Variants in DMD observed in about 807,000 individuals in gnomAD.
DMD encodes mutant dystrophin.
In DMD, 63 loss-of-function variants were observed where a neutral mutation model predicts 330.1. The observed-to-expected ratio is 0.19, with a 90% CI of 0.16 to 0.24. The LOEUF (loss-of-function observed/expected upper bound fraction) is 0.24. Among genes scored for constraint, DMD ranks in the 10% least tolerant of loss-of-function variants. The probability of loss-of-function intolerance (pLI) is 1.00; values close to 1 mark genes in which losing one functional copy is unlikely to be tolerated. For missense variants in DMD, 3,344 were observed against 2,684.1 expected (o/e 1.25, Z -5.43); for synonymous variants, 1,223 against 959.8 (o/e 1.27, Z -5.07).
intron 51 of DMD, among the ~76,000 whole-genome samples, chrX:31,757,661 C>T (rs145211598): frequency 2.7e-3 from 300 of 110,588 alleles, no homozygotes; most frequent in Non-Finnish European, 4.9e-3. Flanking sequence ...TATAAGGGCA[C>T]TGATCCTGTT....
At chrX:31,155,247 A>C (rs942340885) in intron 74 of DMD, among the ~76,000 whole-genome samples, 53 of 112,735 alleles carry the variant, frequency 4.7e-4, no homozygotes, top group African/African-American at 1.7e-3. Context: ...CTAATTTACA[A>C]AGGTCAAATG....
At chrX:31,393,697 C>T (rs181052630) in intron 60 of DMD, among the ~76,000 whole-genome samples, 38 of 110,839 alleles carry the variant, frequency 3.4e-4, no homozygotes, top group South Asian at 7.7e-4. Context: ...ACTCTTTGAG[C>T]GAGTGCTATT....
intron 56 of DMD, among the ~76,000 whole-genome samples, chrX:31,505,459 C>G (rs1198437831): frequency 2.7e-5 from 3 of 111,630 alleles, no homozygotes; most frequent in East Asian, 5.6e-4. Context: ...CAATCTACTT[C>G]TCATAAAAAC....
chrX:32,358,296 C>T (rs1240787989), intron 37 of DMD, among the ~76,000 whole-genome samples: 3 of 110,820 alleles, frequency 2.7e-5, no homozygotes, highest in African/African-American at 9.8e-5. Flanking sequence ...TCCCATGCCC[C>T]TTCCTATACT....
chrX:32,292,393 C>T (rs903539238), intron 42 of DMD, among the ~76,000 whole-genome samples: 4 of 99,335 alleles, frequency 4.0e-5, no homozygotes, highest in Admixed American at 2.3e-4. Context: ...CTCCGCCTCC[C>T]GGGTTTACTT....
chrX:32,863,573 C>CACACACACACACACACACAA (rs1250324246), intron 2 of DMD, among the ~76,000 whole-genome samples: 1 of 101,221 alleles, frequency 9.9e-6, no homozygotes, highest in African/African-American at 3.8e-5. Flanking sequence ...CACACACACA[C>CACACACACACACACACACAA]AAATACACAC....
intron 2 of DMD, among the ~76,000 whole-genome samples, chrX:32,919,190 G>T (rs1418403823): frequency 3.6e-5 from 4 of 112,072 alleles, no homozygotes; most frequent in Admixed American, 9.5e-5. Flanking sequence ...AAGTCTGAGA[G>T]CAGTGTGTAA....
At chrX:31,878,105 T>A (rs778692050) in intron 47 of DMD, among the ~76,000 whole-genome samples, 36 of 111,927 alleles carry the variant, frequency 3.2e-4, no homozygotes, top group Non-Finnish European at 4.3e-4. Context: ...TTCCTTGTAA[T>A]AGAGGTAAAA....
chrX:32,395,552 C>A (rs2098038076), intron 30 of DMD, among the ~76,000 whole-genome samples: 1 of 110,359 alleles, frequency 9.1e-6, no homozygotes, highest in South Asian at 3.8e-4. Context: ...GCACACGTAC[C>A]CTAGAACTTA....
chrX:31,689,146 G>A (rs1388323587), intron 52 of DMD, among the ~76,000 whole-genome samples: 1 of 111,541 alleles, frequency 9.0e-6, no homozygotes, highest in East Asian at 2.8e-4. Context: ...AAGAAATAAA[G>A]GGTATTCAAT....
intron 7 of DMD, among the ~76,000 whole-genome samples, chrX:32,735,456 A>G (rs2068327183): frequency 9.0e-6 from 1 of 111,370 alleles, no homozygotes; most frequent in Non-Finnish European, 1.9e-5. Flanking sequence ...CCGCATCACC[A>G]AGTCACTCCT....
intron 1 of DMD, among the ~76,000 whole-genome samples, chrX:33,272,367 G>A (rs962319491): frequency 3.6e-5 from 4 of 112,109 alleles, no homozygotes; most frequent in South Asian, 7.3e-4. Context: ...AGAAATCCAT[G>A]TAGAGTGAAG....
At chrX:32,622,038 C>G (rs1363281575) in intron 11 of DMD, among the ~76,000 whole-genome samples, 1 of 111,207 alleles carries the variant, frequency 9.0e-6, no homozygotes, top group Non-Finnish European at 1.9e-5. Flanking sequence ...CACAACTCAC[C>G]CAAATTCTGC....
chrX:32,551,147 TCCTGATACCAAAA>T (rs1042698166), intron 16 of DMD, among the ~76,000 whole-genome samples: 11 of 111,047 alleles, frequency 9.9e-5, no homozygotes, highest in Admixed American at 1.9e-4. Context: ...GGAAGCATTG[TCCTGATACCAAAA>T]CCTGGCAGAC....
intron 1 of DMD, among the ~76,000 whole-genome samples, chrX:33,073,402 T>G: frequency 8.9e-6 from 1 of 112,217 alleles, no homozygotes; most frequent in Non-Finnish European, 1.9e-5. Flanking sequence ...CCACTTTGTA[T>G]GTAAGGAGAA....
intron 59 of DMD, among the ~76,000 whole-genome samples, chrX:31,453,141 A>G (rs2065879847): frequency 9.0e-6 from 1 of 110,935 alleles, no homozygotes; most frequent in Non-Finnish European, 1.9e-5. Flanking sequence ...AGCAATGGGG[A>G]ATTACTGTGG....
At chrX:32,293,279 T>G (rs960373812) in intron 42 of DMD, among the ~76,000 whole-genome samples, 3 of 112,277 alleles carry the variant, frequency 2.7e-5, no homozygotes, top group Non-Finnish European at 5.6e-5. Context: ...AGACTAGGGA[T>G]GGTCAGATTG....
chrX:32,736,346 A>T (rs1218350082), intron 7 of DMD, among the ~76,000 whole-genome samples: 1 of 111,640 alleles, frequency 9.0e-6, no homozygotes, highest in Non-Finnish European at 1.9e-5. Flanking sequence ...ACCATTGTGG[A>T]AGTCAGTGTG....
At chrX:32,085,903 A>G (rs937784292) in intron 44 of DMD, among the ~76,000 whole-genome samples, 7 of 111,358 alleles carry the variant, frequency 6.3e-5, no homozygotes, top group Non-Finnish European at 1.3e-4. Context: ...TTCTTATACC[A>G]AAAGACATGT....
Sources: gnomAD v4.1 joint callset for allele counts (sites outside exome capture counted in the v4.1 genomes callset) on GRCh38, gnomAD v4.1.1 for gene constraint, MANE v1.5 for transcripts, NCBI Gene and HGNC (gene_info 2026-07-23, HGNC 2026-07-21) for gene names.